The following MGAT5 variants were observed in gnomAD, a reference collection of about 807,000 sequenced individuals.
MGAT5 encodes alpha-1,6-mannosylglycoprotein 6-beta-N-acetylglucosaminyltransferase A.
Under a neutral mutation model 94.3 loss-of-function variants are expected in MGAT5, and 30 were observed. That is an observed-to-expected ratio of 0.32 (90% confidence interval 0.24 to 0.43). MGAT5 has a LOEUF of 0.43. Among genes scored for constraint, MGAT5 ranks in the 20% least tolerant of loss-of-function variants. The pLI is 1.00. For synonymous variants in MGAT5, 310 were observed against 322.9 expected (o/e 0.96, Z 0.43); for missense variants, 691 against 905.5 (o/e 0.76, Z 3.04).
At chr2:134,183,188 G>A (rs1433871580) in intron 1 of MGAT5, among the ~76,000 whole-genome samples, 1 of 152,202 alleles carries the variant, frequency 6.6e-6, no homozygotes, top group Non-Finnish European at 1.5e-5. Flanking sequence ...GCAATTTTCA[G>A]TGGTAGAGTC....
At position 134,338,268 on chromosome 2, in the gene MGAT5, C is replaced by T. The variant is rs758454135; in HGVS notation, c.655C>T (p.Arg219Cys). Reference sequence around the variant, plus strand: ...AAATTTCTGTTGCTAGGCGGAAATTCGTACAGATTTTAATATTCTCTACAG... The same window carrying T: ...AAATTTCTGTTGCTAGGCGGAAATTTGTACAGATTTTAATATTCTCTACAG... ...EADHNSLAEI[R>C]TDFNILYSMM... Residue 219 changes from arginine (R) to cysteine (C), a missense_variant, in exon 6 of 16, where the codon CGT (arginine) becomes TGT (cysteine). Transcript: ENST00000281923. 7.6e-6 allele frequency: 12 copies of T among 1,585,382 alleles called. No homozygotes were observed. The East Asian group carries it at 2.0e-4, about 27-fold the overall frequency.
intron 1 of MGAT5, among the ~76,000 whole-genome samples, chr2:134,189,592 GTTTTTTTTTGT>G (rs1488960481): frequency 5.3e-5 from 3 of 56,316 alleles, no homozygotes; most frequent in East Asian, 4.8e-4. Flanking sequence ...CATGGCTCTA[GTTTTTTTTTGT>G]TTTTTTTTTT....
In MGAT5 at chr2:134,296,425, A is replaced by T. The variant is rs531875442; in HGVS notation, c.407-21104A>T. 3.3e-4 allele frequency among the ~76,000 whole-genome samples: 50 copies of T among 152,194 alleles called. No homozygotes were observed. In the South Asian group the frequency reaches 0.01, roughly 31 times the overall value. On this transcript the variant is annotated intron_variant, in intron 2 of 15. Coordinates refer to ENST00000281923, the MANE Select transcript of MGAT5 (RefSeq NM_002410.5). ...CCTGTTCTTTTTATCCTTGGCTTCA[A>T]GTTTTTATTGATGGAAGGTTAAATA...
rs1396472130 is a variant in MGAT5 at position 134,450,025 on chromosome 2, C to T, written c.*1178C>T. On this transcript the variant is annotated 3_prime_UTR_variant, in exon 16 of 16. Transcript: ENST00000281923. Reference sequence around the variant, plus strand: ...GGTGGGAATCTGGTGCTGGCTTTTCCTTCAGGCAGGATCACTCTGACTTGT... The same window carrying T: ...GGTGGGAATCTGGTGCTGGCTTTTCTTTCAGGCAGGATCACTCTGACTTGT... The T allele has an allele frequency of 6.6e-6, 1 of 152,358 alleles. No homozygotes were observed. The highest frequency in any genetic ancestry group is 1.5e-5 in the Non-Finnish European group (1 of 68,186). The allele number at this position is 152,358 out of a possible 1,614,324, so 9.4% of individuals were successfully genotyped here.
intron 2 of MGAT5, among the ~76,000 whole-genome samples, chr2:134,289,493 G>A (rs942725488): frequency 1.3e-5 from 2 of 152,206 alleles, no homozygotes; most frequent in Non-Finnish European, 2.9e-5. Context: ...GGACTTTGGT[G>A]TGGTTGCAGG....
chr2:134,421,629 CCCTGCAGG>C (rs1216079979), intron 12 of MGAT5, among the ~76,000 whole-genome samples: 1 of 152,102 alleles, frequency 6.6e-6, no homozygotes, highest in Non-Finnish European at 1.5e-5. Flanking sequence ...CACGTGAAAG[CCCTGCAGG>C]CCATTTGAAA....
In MGAT5 at chr2:134,338,308, A is replaced by G. The variant is rs1337973459; in HGVS notation, c.695A>G (p.His232Arg). ...FNILYSMMKK[H>R]EEFRWMRLRI... Reference sequence around the variant, plus strand: ...ATTCTCTACAGTATGATGAAAAAGCATGAAGAATTCCGGTGGATGAGACTA... The same window carrying G: ...ATTCTCTACAGTATGATGAAAAAGCGTGAAGAATTCCGGTGGATGAGACTA... Residue 232 changes from histidine to arginine, a missense_variant, in exon 6 of 16, where the codon CAT becomes CGT. Coordinates refer to ENST00000281923, the MANE Select transcript of MGAT5 (RefSeq NM_002410.5). 1.2e-6 allele frequency: 2 copies of G among 1,613,126 alleles called. No homozygotes were observed. The highest frequency in any genetic ancestry group is 1.3e-5 in the African/African-American group (1 of 74,884).
At chr2:134,208,120 A>G (rs1680108129) in intron 1 of MGAT5, among the ~76,000 whole-genome samples, 1 of 151,488 alleles carries the variant, frequency 6.6e-6, no homozygotes, top group South Asian at 2.1e-4. Flanking sequence ...ATAGAATCAG[A>G]GTTTTCAGAC....
chr2:134,428,028 T>C (rs1684682783), intron 13 of MGAT5, among the ~76,000 whole-genome samples: 1 of 152,244 alleles, frequency 6.6e-6, no homozygotes, highest in African/African-American at 2.4e-5. Flanking sequence ...TGCTAGCAAG[T>C]GATAACTTCC....
intron 1 of MGAT5, among the ~76,000 whole-genome samples, chr2:134,130,237 G>A (rs1256486351): frequency 2.7e-5 from 2 of 74,504 alleles, no homozygotes; most frequent in Non-Finnish European, 5.5e-5. Context: ...GCCCCACACC[G>A]CCCCACACCG....
chr2:134,413,987 A>G (rs1192150401), intron 12 of MGAT5, among the ~76,000 whole-genome samples: 2 of 152,240 alleles, frequency 1.3e-5, no homozygotes, highest in African/African-American at 4.8e-5. Context: ...AACCTTGACA[A>G]TTTATAGAAC....
chr2:134,264,274 G>A (rs1573648050), intron 1 of MGAT5, among the ~76,000 whole-genome samples: 1 of 152,006 alleles, frequency 6.6e-6, no homozygotes, highest in African/African-American at 2.4e-5. Context: ...GGTCCCCCTC[G>A]GCCTCCCAAA....
chr2:134,326,801 T>G (rs544562037), intron 4 of MGAT5, among the ~76,000 whole-genome samples: 1 of 152,018 alleles, frequency 6.6e-6, no homozygotes. Flanking sequence ...CAGTTTTGGA[T>G]AGAGTGGTCA....
At chr2:134,296,715 T>G (rs1412274624) in intron 2 of MGAT5, among the ~76,000 whole-genome samples, 1 of 152,174 alleles carries the variant, frequency 6.6e-6, no homozygotes, top group East Asian at 1.9e-4. Flanking sequence ...TAAGATAGAC[T>G]TGACATTTGA....
At chr2:134,197,435 C>T (rs565234364) in intron 1 of MGAT5, among the ~76,000 whole-genome samples, 3 of 152,164 alleles carry the variant, frequency 2.0e-5, no homozygotes, top group Non-Finnish European at 2.9e-5. Flanking sequence ...ACTGGAAAAG[C>T]AAAGCTTGTA....
At chr2:134,230,260 C>A (rs757904005) in intron 1 of MGAT5, among the ~76,000 whole-genome samples, 1 of 152,136 alleles carries the variant, frequency 6.6e-6, no homozygotes, top group Non-Finnish European at 1.5e-5. Flanking sequence ...CTAATGCAAC[C>A]GCTGATATGA....
At chr2:134,358,088 T>C (rs1355796069) in intron 9 of MGAT5, among the ~76,000 whole-genome samples, 2 of 152,046 alleles carry the variant, frequency 1.3e-5, no homozygotes, top group East Asian at 1.9e-4. Flanking sequence ...TACAAAAAAA[T>C]AGAAGAAATG....
Position 134,189,607 on chromosome 2 carries a change from T to TTTGTTTTTTTTTTTTTG in MGAT5, c.-142-64653_-142-64652insGTTTTTTTTTTTTTGTT, listed in dbSNP as rs1553490426. ...CATGGCTCTAGTTTTTTTTTGTTTT[T>TTTGTTTTTTTTTTTTTG]TTTTTTTTTTTTTAAGACAGAGTCT... On this transcript the variant is annotated intron_variant, in intron 1 of 16. Transcript: ENST00000409645. Among the ~76,000 whole-genome samples, 2 of 80,618 alleles carry TTTGTTTTTTTTTTTTTG rather than the reference T, an allele frequency of 2.5e-5. 1 individual carries two copies. The highest frequency in any genetic ancestry group is 4.7e-5 in the Non-Finnish European group (2 of 42,864). The allele number at this position is 80,618 out of a possible 152,430, so 52.9% of individuals were successfully genotyped here.
At chr2:134,434,429 T>C (rs1302823885) in intron 14 of MGAT5, among the ~76,000 whole-genome samples, 2 of 152,236 alleles carry the variant, frequency 1.3e-5, no homozygotes, top group Admixed American at 1.3e-4. Flanking sequence ...GTTGAAATAA[T>C]TGTTAGGGAA....
Sources: allele counts gnomAD v4.1 joint callset (sites outside exome capture counted in the v4.1 genomes callset), GRCh38; gene constraint gnomAD v4.1.1; transcripts MANE v1.5; gene names NCBI Gene and HGNC (gene_info 2026-07-23, HGNC 2026-07-21).